COA1: variants seen among roughly 807,000 people sequenced by gnomAD.
COA1 encodes the protein cytochrome c oxidase assembly factor 1 homolog.
COA1 carries 13 observed loss-of-function variants against 16.0 expected under a neutral mutation model. The ratio of observed to expected loss-of-function variants is 0.81; its 90% CI spans 0.53 to 1.29. The LOEUF is 1.29. Ranked by LOEUF, COA1 falls within the 50% of genes most tolerant of loss-of-function variation. The pLI, the probability that COA1 is intolerant of heterozygous loss-of-function variation, is 0.00. For synonymous variants in COA1, 65 were observed against 65.7 expected, an observed-to-expected ratio of 0.99 and a Z score of 0.05; for missense variants, 179 against 177.0, an observed-to-expected ratio of 1.01 and a Z score of -0.06.
chr7:43,614,852 C>G (rs1305039730), intron 6 of COA1, among the ~76,000 whole-genome samples: 1 of 152,116 alleles, frequency 6.6e-6, no homozygotes, highest in African/African-American at 2.4e-5. Context: ...TACCACCAAA[C>G]CAATTAGTTT....
At chr7:43,673,267 G>A (rs112284155) in intron 1 of COA1, among the ~76,000 whole-genome samples, 3,497 of 152,112 alleles carry the variant, frequency 0.023, 109 homozygotes, top group African/African-American at 0.076. Flanking sequence ...ATCCAACAAC[G>A]GTCTAATATC....
At chr7:43,694,053 T>A (rs768519371) in intron 1 of COA1, among the ~76,000 whole-genome samples, 1 of 150,548 alleles carries the variant, frequency 6.6e-6, no homozygotes, top group African/African-American at 2.5e-5. Context: ...ATCTACCAGT[T>A]CACCTGCCAA....
chr7:43,627,353 A>T (rs896552519), intron 6 of COA1, among the ~76,000 whole-genome samples: 16 of 152,368 alleles, frequency 1.1e-4, no homozygotes, highest in African/African-American at 3.8e-4. Flanking sequence ...TTTGGAAGAA[A>T]AATGTATTAA....
chr7:43,684,628 G>A (rs376203645), intron 1 of COA1, among the ~76,000 whole-genome samples: 1 of 152,140 alleles, frequency 6.6e-6, no homozygotes, highest in Non-Finnish European at 1.5e-5. Flanking sequence ...CTCAATGAAG[G>A]CTATAAAGAG....
intron 1 of COA1, among the ~76,000 whole-genome samples, chr7:43,672,643 A>C (rs1052122341): frequency 1.3e-4 from 19 of 151,920 alleles, no homozygotes; most frequent in African/African-American, 4.6e-4. Flanking sequence ...GGTGGTGCAC[A>C]CCTGTAGTCC....
At chr7:43,624,451 G>C in intron 6 of COA1, 3 of 1,455,268 alleles carry the variant, frequency 2.1e-6, no homozygotes, top group Non-Finnish European at 2.8e-6. Flanking sequence ...AATAAATACA[G>C]TACCTTATGC....
intron 6 of COA1, among the ~76,000 whole-genome samples, chr7:43,610,847 T>G (rs1214064314): frequency 6.6e-6 from 1 of 152,168 alleles, no homozygotes; most frequent in East Asian, 1.9e-4. Context: ...CTGGGCGCAG[T>G]GGCTCATGCC....
At chr7:43,715,294 G>A (rs1040081253) in intron 1 of COA1, among the ~76,000 whole-genome samples, 2 of 151,900 alleles carry the variant, frequency 1.3e-5, no homozygotes, top group Non-Finnish European at 2.9e-5. Context: ...TATGTTGCTT[G>A]GTGAAACTCC....
intron 1 of COA1, among the ~76,000 whole-genome samples, chr7:43,679,264 C>G (rs1440040503): frequency 1.2e-5 from 1 of 84,122 alleles, no homozygotes. Context: ...AACTCCATTG[C>G]AAAAAAAAAA....
chr7:43,691,421 A>AAAAG (rs375210311), intron 1 of COA1, among the ~76,000 whole-genome samples: 5,116 of 87,378 alleles, frequency 0.059, 370 homozygotes, highest in Non-Finnish European at 0.071. Context: ...GGAAGAAAGA[A>AAAAG]AAAGAAAGAA....
intron 3 of COA1, chr7:43,646,193 G>A: frequency 5.4e-6 from 1 of 186,828 alleles, no homozygotes. Flanking sequence ...AGAGGCCAAG[G>A]GAATCCCCCT....
chr7:43,671,606 C>T (rs1354102809), intron 1 of COA1, among the ~76,000 whole-genome samples: 1 of 152,214 alleles, frequency 6.6e-6, no homozygotes, highest in Non-Finnish European at 1.5e-5. Context: ...ACACTCCATG[C>T]TCATGGCTGC....
intron 1 of COA1, among the ~76,000 whole-genome samples, chr7:43,705,275 T>C (rs2094926805): frequency 6.6e-6 from 1 of 152,350 alleles, no homozygotes; most frequent in South Asian, 2.1e-4. Flanking sequence ...CCCACGCACA[T>C]GCATGCCTGC....
chr7:43,613,324 G>A (rs1400600979), intron 6 of COA1, among the ~76,000 whole-genome samples: 1 of 152,156 alleles, frequency 6.6e-6, no homozygotes, highest in Non-Finnish European at 1.5e-5. Flanking sequence ...GTGATGTGTG[G>A]TATTATAATA....
intron 4 of COA1, among the ~76,000 whole-genome samples, chr7:43,644,748 A>T (rs1266704152): frequency 5.5e-5 from 5 of 90,280 alleles, no homozygotes; most frequent in African/African-American, 2.0e-4. Flanking sequence ...ATAGATAGAT[A>T]GATAGATAGA....
At chr7:43,662,390 C>T (rs1230765080) in intron 1 of COA1, among the ~76,000 whole-genome samples, 2 of 152,096 alleles carry the variant, frequency 1.3e-5, no homozygotes, top group African/African-American at 4.8e-5. Context: ...CCACCACGCC[C>T]AGCTAAATTT....
chr7:43,614,234 TAA>T (rs2083141581), intron 6 of COA1, among the ~76,000 whole-genome samples: 1 of 152,204 alleles, frequency 6.6e-6, no homozygotes. Flanking sequence ...CCGAGATAAA[TAA>T]AAGACTTCCC....
At chr7:43,684,326 G>T (rs1198059242) in intron 1 of COA1, among the ~76,000 whole-genome samples, 1 of 152,108 alleles carries the variant, frequency 6.6e-6, no homozygotes. Context: ...TGTGCGGCCG[G>T]GAGTGGGTGA....
At position 43,711,783 on chromosome 7, in the gene COA1, G is replaced by A. The variant is rs141663916; in HGVS notation, c.-39+17646C>T. 3.8e-3 allele frequency among the ~76,000 whole-genome samples: 583 copies of A among 152,260 alleles called. 5 individuals are homozygous for A. The highest frequency in any genetic ancestry group is 0.013 in the African/African-American group (526 of 41,548). ...TTATAACACAATGATAAGCATTTGT[G>A]TATCTAAACACAGAAAAGGTGCAGT... On this transcript the variant is annotated intron_variant, in intron 1 of 5. Coordinates refer to ENST00000223336, the MANE Select transcript of COA1 (RefSeq NM_018224.4).
Sources: gnomAD v4.1 joint callset for allele counts (sites outside exome capture counted in the v4.1 genomes callset) on GRCh38, gnomAD v4.1.1 for gene constraint, MANE v1.5 for transcripts, NCBI Gene and HGNC (gene_info 2026-07-23, HGNC 2026-07-21) for gene names.